The following EXOC1 variants were observed in gnomAD, a reference collection of about 807,000 sequenced individuals.
EXOC1 encodes the protein exocyst complex component 1, also known as SEC3-like 1.
Under a neutral mutation model 107.7 loss-of-function variants are expected in EXOC1, and 67 were observed. That is an observed-to-expected ratio of 0.62 (90% CI 0.51 to 0.76). EXOC1 has a LOEUF of 0.76. Ranked by LOEUF, EXOC1 falls within the 30% of genes least tolerant of loss-of-function variation. The pLI, the probability that EXOC1 is intolerant of heterozygous loss-of-function variation, is 0.00. For missense variants in EXOC1, 833 were observed against 1,055.7 expected (o/e 0.79, Z 2.92); for synonymous variants, 348 against 353.5 (o/e 0.98, Z 0.17).
chr4:55,875,919 T>A (rs979560990), intron 8 of EXOC1: 71 of 922,334 alleles, frequency 7.7e-5, no homozygotes, highest in Non-Finnish European at 8.0e-5. Context: ...AATAAATTTT[T>A]AAAAAATAAA....
chr4:55,862,814 TTTACCCTGTAGAACA>T (rs1721598336), intron 3 of EXOC1, among the ~76,000 whole-genome samples: 1 of 152,196 alleles, frequency 6.6e-6, no homozygotes, highest in African/African-American at 2.4e-5. Context: ...TTATTATTCT[TTTACCCTGTAGAACA>T]TTAAGAATAT....
intron 7 of EXOC1, among the ~76,000 whole-genome samples, chr4:55,871,446 G>T (rs1181468735): frequency 6.6e-6 from 1 of 152,086 alleles, no homozygotes; most frequent in African/African-American, 2.4e-5. Context: ...AATGACTATA[G>T]TCAACACCAT....
intron 8 of EXOC1, among the ~76,000 whole-genome samples, chr4:55,873,026 T>G (rs1252149547): frequency 1.3e-5 from 2 of 152,100 alleles, no homozygotes; most frequent in Non-Finnish European, 2.9e-5. Context: ...CTTTCTGTCA[T>G]TTTTTCACTC....
intron 12 of EXOC1, 26 bp downstream of exon 12, chr4:55,890,412 T>G: frequency 6.2e-7 from 1 of 1,606,252 alleles, no homozygotes; most frequent in Non-Finnish European, 8.5e-7. Context: ...AAGTACTTCT[T>G]AAACATTAAC....
At chr4:55,902,261 A>G in intron 17 of EXOC1, 83 bp from the exon 18 acceptor site, 1 of 1,098,626 alleles carries the variant, frequency 9.1e-7, no homozygotes, top group Non-Finnish European at 1.2e-6. Flanking sequence ...TGGTGATTAT[A>G]CACTACTTTG....
intron 4 of EXOC1, among the ~76,000 whole-genome samples, chr4:55,865,927 C>T (rs916935109): frequency 1.3e-5 from 2 of 151,932 alleles, no homozygotes; most frequent in African/African-American, 4.8e-5. Flanking sequence ...TTTAAGAATA[C>T]TGAGAAGATC....
In EXOC1 at chr4:55,896,714, T is replaced by C. The variant is rs147201862; in HGVS notation, c.1954-3T>C. The C allele has an allele frequency of 7.8e-4, 1,251 of 1,598,972 alleles. 11 individuals carry two copies. In the African/African-American group the frequency reaches 0.015, roughly 20 times the overall value. On this transcript the variant is annotated splice_polypyrimidine_tract_variant and splice_region_variant and intron_variant, in intron 15 of 18. Transcript: ENST00000381295. The stretch of plus-strand genomic sequence containing the variant: ...ATCTCCCTTGCTCTCTGCCTAACTT[T>C]AGAGTAACCAAATAAGGCAAATGGA...
intron 11 of EXOC1, 136 bp downstream of exon 11, chr4:55,889,068 AC>A: frequency 2.6e-6 from 2 of 756,572 alleles, no homozygotes; most frequent in Non-Finnish European, 4.6e-6. Context: ...AAGAAAGCCA[AC>A]ATGATGGTAG....
intron 8 of EXOC1, chr4:55,877,682 G>A: frequency 5.1e-6 from 5 of 985,366 alleles, no homozygotes; most frequent in Non-Finnish European, 6.0e-6. Context: ...TGATTTATCA[G>A]AGTGCCATTC....
In EXOC1 at chr4:55,896,859, A is replaced by G. The variant is rs749674096; in HGVS notation, c.2096A>G (p.Asp699Gly). ...FKNAERRGDLDKAYTKLIRGV... is the reference protein window; with the variant it reads ...FKNAERRGDLGKAYTKLIRGV... ...AATGCTGAGCGTCGTGGAGACCTGG[A>G]TAAAGCATACACCAAACTTATCAGA... Residue 699 changes from aspartate to glycine, a missense_variant, in exon 16 of 19, where the codon GAT becomes GGT. Coordinates refer to ENST00000381295, the MANE Select transcript of EXOC1 (RefSeq NM_001024924.2). The G allele has an allele frequency of 2.5e-5, 40 of 1,609,366 alleles. No individual in the cohort carries two copies. The Middle Eastern group carries it at 8.2e-4, about 33-fold the overall frequency.
At chr4:55,867,008 C>T (rs539488662) in intron 4 of EXOC1, 106 of 431,842 alleles carry the variant, frequency 2.5e-4, no homozygotes, top group African/African-American at 2.2e-3. Flanking sequence ...TTTTAAAAAT[C>T]TACATAGTAA....
chr4:55,868,077 G>C (rs915898170), intron 4 of EXOC1, among the ~76,000 whole-genome samples: 1 of 152,116 alleles, frequency 6.6e-6, no homozygotes. Context: ...GGAAACTGTG[G>C]TGAAAGCCTG....
In EXOC1 at chr4:55,870,743, G is replaced by A; in HGVS notation, c.669G>A (p.Glu223=). 3 of 1,613,834 alleles carry A rather than the reference G, an allele frequency of 1.9e-6. No homozygotes were observed. Among genetic ancestry groups the A allele is most frequent in the Non-Finnish European group, 1.7e-6 (2 of 1,179,874 alleles). Residue 223 remains glutamate (E), a synonymous_variant, in exon 6 of 19, where the codon GAG becomes GAA. Coordinates refer to ENST00000381295, the MANE Select transcript of EXOC1 (RefSeq NM_001024924.2). ...QVNILMKLLD[E]ALKEVDQIEL... ...ACATCCTGATGAAATTGCTAGATGA[G>A]GCTCTAAAGGAGGTAGATCAGATTG...
chr4:55,854,663 T>G (rs1418898973), intron 1 of EXOC1, among the ~76,000 whole-genome samples: 2 of 152,238 alleles, frequency 1.3e-5, no homozygotes, highest in Non-Finnish European at 2.9e-5. Flanking sequence ...AGTCACATAC[T>G]GCTTTTCATT....
rs370421022 is a variant in EXOC1, at chr4:55,890,300, C to T, written c.1453C>T (p.Arg485Cys). The change falls in exon 12 of 19, where the codon CGC becomes TGC. Residue 485 changes from arginine to cysteine, a missense_variant. Physicochemically the swap from Arg to Cys is radical, Grantham distance 180 (BLOSUM62 -3). Transcript: ENST00000381295. ...GCTCAGTGTTCAGAGTTCAGGGAATCGCAGATCTCAGTCATCTTCCCTGTT... is the reference window on the plus strand; with the variant it reads ...GCTCAGTGTTCAGAGTTCAGGGAATTGCAGATCTCAGTCATCTTCCCTGTT... Reference protein sequence around the residue: ...NKLSVQSSGNRRSQSSSLLDM... With the variant: ...NKLSVQSSGNCRSQSSSLLDM... 5.6e-6 allele frequency: 9 copies of T among 1,613,898 alleles called. No homozygotes were observed. Among genetic ancestry groups the T allele is most frequent in the African/African-American group, 1.3e-5 (1 of 74,914 alleles).
chr4:55,864,177 T>C, intron 3 of EXOC1, 50 bp from the exon 4 acceptor site: 1 of 1,224,462 alleles, frequency 8.2e-7, no homozygotes, highest in South Asian at 1.5e-5. Flanking sequence ...ACATTAACAA[T>C]GTAAAAGGAT....
At chr4:55,890,089 T>A in intron 11 of EXOC1, 134 bp from the exon 12 acceptor site, 1 of 754,342 alleles carries the variant, frequency 1.3e-6, no homozygotes, top group Non-Finnish European at 2.1e-6. Context: ...CTATCCCTTA[T>A]AGAAGATTTG....
chr4:55,890,834 G>A (rs1443404047), intron 12 of EXOC1, among the ~76,000 whole-genome samples: 1 of 152,152 alleles, frequency 6.6e-6, no homozygotes, highest in African/African-American at 2.4e-5. Context: ...GGTTCAAGCA[G>A]TTCTTCTGCC....
intron 8 of EXOC1, chr4:55,875,678 A>G (rs1722834757): frequency 5.1e-6 from 5 of 985,062 alleles, no homozygotes; most frequent in Non-Finnish European, 6.0e-6. Flanking sequence ...TTGGATAACG[A>G]TACATTGTTA....
Sources: allele counts gnomAD v4.1 joint callset (sites outside exome capture counted in the v4.1 genomes callset), GRCh38; gene constraint gnomAD v4.1.1; transcripts MANE v1.5; gene names NCBI Gene and HGNC (gene_info 2026-07-23, HGNC 2026-07-21).